SPAG16: variants seen among roughly 807,000 people sequenced by gnomAD.
SPAG16 encodes the protein sperm associated antigen 16.
SPAG16 carries 86 observed loss-of-function variants against 80.4 expected under a neutral mutation model. The ratio of observed to expected loss-of-function variants is 1.07; its 90% CI spans 0.90 to 1.28. The LOEUF (loss-of-function observed/expected upper bound fraction) is 1.28, where lower values mean the gene tolerates loss of function less well. Among genes scored for constraint, SPAG16 ranks in the 50% most tolerant of loss-of-function variants. SPAG16 has a pLI of 0.00. For synonymous variants in SPAG16, 294 were observed against 265.9 expected (o/e 1.11, Z -1.03); for missense variants, 870 against 765.3 (o/e 1.14, Z -1.61).
chr2:213,761,726 C>T (rs1027496083), intron 10 of SPAG16, among the ~76,000 whole-genome samples: 72 of 151,872 alleles, frequency 4.7e-4, no homozygotes, highest in African/African-American at 1.5e-3. Flanking sequence ...ATTAGCTGGG[C>T]GTGGTGGCGG....
intron 13 of SPAG16, among the ~76,000 whole-genome samples, chr2:214,097,822 T>C (rs941163027): frequency 5.3e-5 from 8 of 152,038 alleles, no homozygotes; most frequent in African/African-American, 1.5e-4. Context: ...ATTATGACTA[T>C]GTAATTGTTA....
At chr2:214,217,449 G>A (rs1302091525) in intron 15 of SPAG16, among the ~76,000 whole-genome samples, 2 of 152,200 alleles carry the variant, frequency 1.3e-5, no homozygotes, top group East Asian at 3.8e-4. Context: ...ACTATGTTAT[G>A]CCGATGCTTT....
chr2:213,617,686 G>A (rs1165156552), intron 10 of SPAG16, among the ~76,000 whole-genome samples: 2 of 152,086 alleles, frequency 1.3e-5, no homozygotes, highest in Non-Finnish European at 2.9e-5. Context: ...AGTGGCATGT[G>A]CCTGTAGTCC....
chr2:214,208,423 C>T (rs1405719143), intron 15 of SPAG16, among the ~76,000 whole-genome samples: 1 of 152,104 alleles, frequency 6.6e-6, no homozygotes, highest in Non-Finnish European at 1.5e-5. Flanking sequence ...ATGGAGAATA[C>T]TGATAGTCCT....
At chr2:213,805,594 T>C (rs934451511) in intron 10 of SPAG16, among the ~76,000 whole-genome samples, 1 of 152,160 alleles carries the variant, frequency 6.6e-6, no homozygotes, top group African/African-American at 2.4e-5. Context: ...TGAAATTATA[T>C]AAGCAGAGCT....
chr2:213,366,909 A>G (rs1275189184), intron 8 of SPAG16, among the ~76,000 whole-genome samples: 1 of 151,982 alleles, frequency 6.6e-6, no homozygotes, highest in Non-Finnish European at 1.5e-5. Context: ...TTTACATTAG[A>G]TATATCTCCT....
rs113217854 is a variant in SPAG16, at chr2:213,734,027, C to T, written c.1071-128458C>T. ...ACTAGATTTAGAAGTTCACATCACA[C>T]TGAGACTCACTGTGATTCTCTGTGA... is the stretch of plus-strand genomic sequence containing the variant. On this transcript the variant is annotated intron_variant, in intron 10 of 15. Transcript: ENST00000331683. Among the ~76,000 whole-genome samples, 6 of 152,294 alleles carry T rather than the reference C, an allele frequency of 3.9e-5. 1 individual carries two copies. Among genetic ancestry groups the T allele is most frequent in the African/African-American group, 1.4e-4 (6 of 41,570 alleles).
rs1469351640 is a variant in SPAG16 at position 213,980,712 on chromosome 2, G to GTGTGTATATATATATATA, written c.1401-33238_1401-33237insGTGTATATATATATATAT. 1.4e-4 allele frequency among the ~76,000 whole-genome samples: 16 copies of GTGTGTATATATATATATA among 114,004 alleles called. 1 individual carries two copies. The highest frequency in any genetic ancestry group is 6.1e-4 in the African/African-American group (16 of 26,134). 74.8% of individuals were successfully genotyped at this position (114,004 alleles called of 152,430 possible). A position where few individuals can be genotyped will look rare whatever the true frequency, so the allele number is the denominator to read the frequency against. On this transcript the variant is annotated intron_variant, in intron 12 of 15. Transcript: ENST00000331683. ...ATAGAATATATGTGTGTGTGTGTGT[G>GTGTGTATATATATATATA]TATATATATATATAGAGAGAGAGAG... is the stretch of plus-strand genomic sequence containing the variant.
intron 14 of SPAG16, among the ~76,000 whole-genome samples, chr2:214,148,898 A>G (rs2055805693): frequency 6.6e-6 from 1 of 151,806 alleles, no homozygotes; most frequent in South Asian, 2.1e-4. Flanking sequence ...TTATATATTA[A>G]GAATATCATT....
chr2:213,753,535 C>T (rs1344856115), intron 10 of SPAG16, among the ~76,000 whole-genome samples: 1 of 152,052 alleles, frequency 6.6e-6, no homozygotes, highest in African/African-American at 2.4e-5. Context: ...AATGTATATT[C>T]AGATTAAGAC....
chr2:213,333,206 A>G (rs536630852), intron 5 of SPAG16, among the ~76,000 whole-genome samples: 17 of 152,288 alleles, frequency 1.1e-4, no homozygotes, highest in Middle Eastern at 3.4e-3. Context: ...GCATTTCTGT[A>G]TACTAACAGT....
At chr2:213,758,982 G>A (rs755346070) in intron 10 of SPAG16, among the ~76,000 whole-genome samples, 1 of 152,160 alleles carries the variant, frequency 6.6e-6, no homozygotes, top group Non-Finnish European at 1.5e-5. Flanking sequence ...CACCAGAAAC[G>A]TTGCAGGCCA....
intron 13 of SPAG16, among the ~76,000 whole-genome samples, chr2:214,028,986 TAGA>T (rs2048276203): frequency 1.3e-5 from 2 of 152,054 alleles, no homozygotes; most frequent in Middle Eastern, 3.4e-3. Flanking sequence ...AGACTTTTAG[TAGA>T]AGGAGAAAGA....
intron 12 of SPAG16, among the ~76,000 whole-genome samples, chr2:213,950,545 G>A (rs2079701599): frequency 6.6e-6 from 1 of 151,960 alleles, no homozygotes; most frequent in Admixed American, 6.6e-5. Flanking sequence ...AACATCAGTA[G>A]CTTCTAAATT....
At chr2:213,502,148 C>T (rs1043773689) in intron 10 of SPAG16, among the ~76,000 whole-genome samples, 5 of 152,082 alleles carry the variant, frequency 3.3e-5, no homozygotes, top group Non-Finnish European at 5.9e-5. Flanking sequence ...TTTTTTGAGA[C>T]AGAATCTCAT....
At chr2:213,876,318 AAAG>A (rs201217270) in intron 11 of SPAG16, among the ~76,000 whole-genome samples, 29,182 of 135,882 alleles carry the variant, frequency 0.21, 3,389 homozygotes, top group South Asian at 0.47. Flanking sequence ...AAAAAAAAAA[AAAG>A]AAGAAGAAAA....
chr2:213,610,258 A>T (rs2061399291), intron 10 of SPAG16, among the ~76,000 whole-genome samples: 1 of 152,202 alleles, frequency 6.6e-6, no homozygotes, highest in African/African-American at 2.4e-5. Flanking sequence ...GTAGCCCTGC[A>T]AAGCTGTCCT....
intron 10 of SPAG16, among the ~76,000 whole-genome samples, chr2:213,720,018 T>A (rs1223929229): frequency 6.6e-6 from 1 of 152,168 alleles, no homozygotes; most frequent in Admixed American, 6.5e-5. Flanking sequence ...TAAAAAAGGA[T>A]GAGTTCATGT....
intron 10 of SPAG16, among the ~76,000 whole-genome samples, chr2:213,800,583 G>A (rs139284663): frequency 6.6e-6 from 1 of 152,060 alleles, no homozygotes; most frequent in East Asian, 1.9e-4. Flanking sequence ...CTAAGTTGCC[G>A]AGGCTGGCAT....
Sources: allele counts gnomAD v4.1 joint callset (sites outside exome capture counted in the v4.1 genomes callset), GRCh38; gene constraint gnomAD v4.1.1; transcripts MANE v1.5; gene names NCBI Gene and HGNC (gene_info 2026-07-23, HGNC 2026-07-21).